Variants in ADSS2 observed in about 807,000 individuals in gnomAD.
ADSS2 encodes adenylosuccinate synthetase isozyme 2.
A neutral mutation model predicts 60.0 loss-of-function variants in ADSS2; 30 were observed. The observed-to-expected ratio is 0.50, with a 90% confidence interval of 0.37 to 0.68. ADSS2 has a LOEUF of 0.68. Among genes scored for constraint, ADSS2 ranks in the 30% least tolerant of loss-of-function variants. The pLI is 0.00. For synonymous variants in ADSS2, 187 were observed against 193.1 expected (o/e 0.97, Z 0.26); for missense variants, 373 against 554.8 (o/e 0.67, Z 3.29).
At chr1:244,421,158 T>C (rs1215127776) in intron 7 of ADSS2, among the ~76,000 whole-genome samples, 1 of 152,070 alleles carries the variant, frequency 6.6e-6, no homozygotes, top group African/African-American at 2.4e-5. Flanking sequence ...ACACTATTAC[T>C]AGTAGATAAT....
At chr1:244,419,052 T>A in intron 8 of ADSS2, 138 bp from the exon 9 acceptor site, 2 of 792,400 alleles carry the variant, frequency 2.5e-6, no homozygotes, top group Non-Finnish European at 3.8e-6. Context: ...TCTCAAAGAC[T>A]CAGTGTTTTA....
intron 7 of ADSS2, among the ~76,000 whole-genome samples, chr1:244,422,437 C>T (rs1664699588): frequency 6.6e-6 from 1 of 152,198 alleles, no homozygotes; most frequent in Non-Finnish European, 1.5e-5. Context: ...GTTATCCTTC[C>T]TAAATGGGTT....
chr1:244,419,849 T>C (rs1273390620), intron 8 of ADSS2, among the ~76,000 whole-genome samples: 1 of 152,236 alleles, frequency 6.6e-6, no homozygotes, highest in African/African-American at 2.4e-5. Context: ...AGATGCAGAT[T>C]CTTCCATAGA....
chr1:244,430,440 C>G (rs1664913890), intron 4 of ADSS2, among the ~76,000 whole-genome samples: 1 of 152,150 alleles, frequency 6.6e-6, no homozygotes, highest in African/African-American at 2.4e-5. Context: ...GCACATAGCC[C>G]AATTATCTGA....
chr1:244,431,165 C>T (rs1664935095), intron 4 of ADSS2, among the ~76,000 whole-genome samples: 1 of 151,962 alleles, frequency 6.6e-6, no homozygotes, highest in African/African-American at 2.4e-5. Context: ...TATATTATAG[C>T]ACAATAGTGA....
At position 244,415,992 on chromosome 1, in the gene ADSS2, G is replaced by A. The variant is rs750745797; in HGVS notation, c.1157C>T (p.Pro386Leu). 5 of 1,608,778 alleles carry A rather than the reference G, an allele frequency of 3.1e-6. No homozygotes were observed. The South Asian group carries it at 5.5e-5, about 18-fold the overall frequency. Residue 386 changes from proline to leucine, a missense_variant, in exon 11 of 13, where the codon CCT becomes CTT. Around this residue, in one of 5 missense-constraint regions of ADSS2, gnomAD observed 130 missense variants for 169.4 expected, o/e 0.77. Transcript: ENST00000366535. The part of the protein sequence containing the change: ...VAYKLDGEII[P>L]HIPANQEVLN... ...CTAAAAGAAAATACCTGGGATATGA[G>A]GTATGATTTCACCATCTAACTTGTA...
chr1:244,437,575 T>C, intron 2 of ADSS2, 91 bp downstream of exon 2: 4 of 897,064 alleles, frequency 4.5e-6, no homozygotes, highest in Non-Finnish European at 7.3e-6. Flanking sequence ...ATCTGGTCAG[T>C]GAGAGATGAA....
chr1:244,437,674 G>C lies in ADSS2; in HGVS notation c.278C>G (p.Ala93Gly). 1 of 1,577,046 alleles carries C rather than the reference G, an allele frequency of 6.3e-7. No individual in the cohort carries two copies. Among genetic ancestry groups the C allele is most frequent in the Non-Finnish European group, 8.7e-7 (1 of 1,147,384 alleles). The change falls in exon 2 of 13, where the codon GCA becomes GGA. Residue 93 changes from alanine to glycine, a missense_variant. Physicochemically the swap from Ala to Gly is moderately conservative, Grantham distance 60 (BLOSUM62 0). Coordinates refer to ENST00000366535, the MANE Select transcript of ADSS2 (RefSeq NM_001126.5). ...PSGIINPNVT[A>G]FIGNGVVIHL... is the part of the protein sequence containing the mutation. ...TCAGTTTATATACTTACCAATGAAT[G>C]CAGTGACATTTGGATTAATTATTCC... is the stretch of plus-strand genomic sequence containing the variant.
At chr1:244,446,314 A>G (rs1407217568) in intron 1 of ADSS2, among the ~76,000 whole-genome samples, 1 of 152,250 alleles carries the variant, frequency 6.6e-6, no homozygotes, top group Non-Finnish European at 1.5e-5. Context: ...AAGCATTCAC[A>G]TAACTGCAAT....
intron 1 of ADSS2, among the ~76,000 whole-genome samples, chr1:244,450,143 G>A (rs1001184719): frequency 6.6e-6 from 1 of 152,194 alleles, no homozygotes; most frequent in Non-Finnish European, 1.5e-5. Flanking sequence ...TCGGTATTCG[G>A]ATACGTCTTC....
chr1:244,446,882 CAAA>C (rs1048873139), intron 1 of ADSS2, among the ~76,000 whole-genome samples: 2 of 151,944 alleles, frequency 1.3e-5, no homozygotes, highest in Non-Finnish European at 2.9e-5. Context: ...GATTTCAAGT[CAAA>C]AAAGTTTTCT....
In ADSS2 at chr1:244,408,672, A is replaced by G. The variant is rs932281312; in HGVS notation, c.*914T>C. 7.2e-5 allele frequency: 11 copies of G among 152,586 alleles called. No individual in the cohort carries two copies. The highest frequency in any genetic ancestry group is 1.9e-4 in the African/African-American group (8 of 41,436). 9.5% of individuals were successfully genotyped at this position (152,586 alleles called of 1,614,324 possible). A position where few individuals can be genotyped will look rare whatever the true frequency, so the allele number is the denominator to read the frequency against. ...AGAAAGGAGAAATAAAGGCATAATC[A>G]AAATTATGGCTAACAACGTGGGTTC... is the stretch of plus-strand genomic sequence containing the variant. On this transcript the variant is annotated 3_prime_UTR_variant, in exon 13 of 13. Coordinates refer to ENST00000366535, the MANE Select transcript of ADSS2 (RefSeq NM_001126.5).
chr1:244,414,989 A>G (rs1397815535), intron 11 of ADSS2, among the ~76,000 whole-genome samples: 1 of 152,248 alleles, frequency 6.6e-6, no homozygotes, highest in African/African-American at 2.4e-5. Flanking sequence ...ATTCTCTACT[A>G]CACTTCTTGG....
intron 2 of ADSS2, 119 bp downstream of exon 2, chr1:244,437,547 A>G (rs1424309646): frequency 5.4e-6 from 4 of 736,392 alleles, no homozygotes; most frequent in South Asian, 5.3e-5. Context: ...GTCAAAATTA[A>G]TAAGAGATCA....
chr1:244,416,235 A>G (rs1178371940), intron 10 of ADSS2, among the ~76,000 whole-genome samples, 157 bp from the exon 11 acceptor site: 1 of 152,246 alleles, frequency 6.6e-6, no homozygotes, highest in Non-Finnish European at 1.5e-5. Flanking sequence ...AGCGTGCCAC[A>G]CATAAGACGC....
intron 3 of ADSS2, among the ~76,000 whole-genome samples, chr1:244,432,801 A>C (rs886212471): frequency 2.0e-5 from 3 of 150,652 alleles, no homozygotes; most frequent in African/African-American, 7.3e-5. Flanking sequence ...AGTAGTTGGG[A>C]CTACAGGCAC....
At position 244,444,287 on chromosome 1, in the gene ADSS2, G is replaced by A. The variant is rs556691211; in HGVS notation, c.184-6519C>T. On this transcript the variant is annotated intron_variant, in intron 1 of 12. Transcript: ENST00000366535. ...TCCCAGCACTTTGGGAGGCCGAGGCGGGCGGATCACGAGGTCAGGAGATCG... is the reference window on the plus strand; with the variant it reads ...TCCCAGCACTTTGGGAGGCCGAGGCAGGCGGATCACGAGGTCAGGAGATCG... Among the ~76,000 whole-genome samples the A allele has an allele frequency of 1.0e-3, 157 of 151,250 alleles. 2 individuals carry two copies. Among genetic ancestry groups the A allele is most frequent in the Non-Finnish European group, 8.8e-5 (6 of 67,808 alleles).
chr1:244,436,937 C>G, intron 2 of ADSS2, 44 bp from the exon 3 acceptor site: 1 of 1,519,480 alleles, frequency 6.6e-7, no homozygotes, highest in Non-Finnish European at 9.1e-7. Context: ...ATCTATAACT[C>G]AGACATATGT....
intron 4 of ADSS2, among the ~76,000 whole-genome samples, chr1:244,432,235 C>T (rs1030586546): frequency 2.6e-5 from 4 of 152,266 alleles, no homozygotes. Flanking sequence ...AAGAATATTA[C>T]GTATACAAAT....
Sources: gnomAD v4.1 joint callset for allele counts (sites outside exome capture counted in the v4.1 genomes callset) on GRCh38, gnomAD v4.1.1 for gene constraint, gnomAD v4.1.1 regional missense constraint, MANE v1.5 for transcripts, NCBI Gene and HGNC (gene_info 2026-07-23, HGNC 2026-07-21) for gene names.